The following XPR1 variants were observed in gnomAD, a reference collection of about 807,000 sequenced individuals.
The protein encoded by XPR1 is xenotropic and polytropic retrovirus receptor 1.
In XPR1, 28 loss-of-function variants were observed where a neutral mutation model predicts 87.5. That is an observed-to-expected ratio of 0.32 (90% CI 0.24 to 0.44). XPR1 has a LOEUF of 0.44. XPR1 is among the 20% of genes least tolerant of loss of function. XPR1 has a pLI of 1.00. For synonymous variants in XPR1, 300 were observed against 306.1 expected, an observed-to-expected ratio of 0.98 and a Z score of 0.21; for missense variants, 559 against 862.3, an observed-to-expected ratio of 0.65 and a Z score of 4.41.
At chr1:180,729,245 A>G (rs1658472459) in intron 2 of XPR1, among the ~76,000 whole-genome samples, 3 of 152,298 alleles carry the variant, frequency 2.0e-5, no homozygotes, top group Admixed American at 1.3e-4. Context: ...TATACCATTG[A>G]TGGGCATTTA....
At chr1:180,689,382 G>A (rs1241673475) in intron 2 of XPR1, among the ~76,000 whole-genome samples, 1 of 151,966 alleles carries the variant, frequency 6.6e-6, no homozygotes, top group Non-Finnish European at 1.5e-5. Flanking sequence ...AAAGATTTAA[G>A]AATTTTTTAA....
Position 180,766,084 on chromosome 1 carries a change from C to A in XPR1, c.122-21669C>A, listed in dbSNP as rs1233952276. Among the ~76,000 whole-genome samples, 10 of 151,916 alleles carry A rather than the reference C, an allele frequency of 6.6e-5. No homozygotes were observed. The South Asian group carries it at 1.9e-3, about 28-fold the overall frequency. The stretch of plus-strand genomic sequence containing the variant: ...GAACTTAACTTTTCTTTTCCTGGTC[C>A]ACTATCTCTGTCATCATTCCCTCCT... On this transcript the variant is annotated intron_variant, in intron 2 of 14. Transcript: ENST00000367590.
intron 1 of XPR1, among the ~76,000 whole-genome samples, chr1:180,640,495 T>C (rs1654930108): frequency 6.6e-6 from 1 of 152,272 alleles, no homozygotes; most frequent in African/African-American, 2.4e-5. Context: ...CGTACTGTTT[T>C]ATGAAAAATG....
At chr1:180,723,941 A>G (rs1351780322) in intron 2 of XPR1, among the ~76,000 whole-genome samples, 1 of 152,164 alleles carries the variant, frequency 6.6e-6, no homozygotes, top group Non-Finnish European at 1.5e-5. Flanking sequence ...CTGTTCTTAC[A>G]GTTCATATTT....
At chr1:180,780,368 G>A (rs1648887405) in intron 2 of XPR1, among the ~76,000 whole-genome samples, 1 of 152,124 alleles carries the variant, frequency 6.6e-6, no homozygotes, top group African/African-American at 2.4e-5. Context: ...GTATGAAATG[G>A]TATCTCATTG....
rs1652975421 is a variant in XPR1, at chr1:180,885,209, A to G, written c.*1143A>G. The G allele has an allele frequency of 6.6e-6, 1 of 152,624 alleles. No homozygotes were observed. The highest frequency in any genetic ancestry group is 1.5e-5 in the Non-Finnish European group (1 of 68,036). The allele number at this position is 152,624 out of a possible 1,614,324, so 9.5% of individuals were successfully genotyped here. On this transcript the variant is annotated 3_prime_UTR_variant, in exon 15 of 15. Coordinates refer to ENST00000367590, the MANE Select transcript of XPR1 (RefSeq NM_004736.4). Reference sequence around the variant, plus strand: ...ACCACTTTAGCCAGAATTTGATCAAATTAAAAGTCTGTCATGGGGAAACTA... The same window carrying G: ...ACCACTTTAGCCAGAATTTGATCAAGTTAAAAGTCTGTCATGGGGAAACTA...
chr1:180,794,151 C>T (rs1404106585), intron 3 of XPR1, among the ~76,000 whole-genome samples: 1 of 152,132 alleles, frequency 6.6e-6, no homozygotes, highest in African/African-American at 2.4e-5. Flanking sequence ...CTTACACAAA[C>T]CTAGATGGTA....
At chr1:180,745,841 T>C (rs1175243906) in intron 2 of XPR1, among the ~76,000 whole-genome samples, 1 of 152,188 alleles carries the variant, frequency 6.6e-6, no homozygotes, top group Non-Finnish European at 1.5e-5. Context: ...ATACATTTTG[T>C]TTAGGTTTTA....
At chr1:180,671,858 G>C (rs189905619) in intron 1 of XPR1, among the ~76,000 whole-genome samples, 187 of 152,228 alleles carry the variant, frequency 1.2e-3, no homozygotes, top group African/African-American at 4.3e-3. Context: ...GTTTTGCTGG[G>C]ATTACAGGTG....
intron 1 of XPR1, among the ~76,000 whole-genome samples, chr1:180,649,126 T>TA (rs1557937925): frequency 6.6e-6 from 1 of 151,940 alleles, no homozygotes; most frequent in African/African-American, 2.4e-5. Context: ...GTATTTTGAT[T>TA]AAAAAATTAA....
At chr1:180,796,116 AT>A (rs1348075553) in intron 3 of XPR1, among the ~76,000 whole-genome samples, 8 of 152,112 alleles carry the variant, frequency 5.3e-5, no homozygotes, top group Middle Eastern at 3.4e-3. Flanking sequence ...CCTCATTTTT[AT>A]TTTTGTAAGT....
At chr1:180,721,658 T>C (rs1221171867) in intron 2 of XPR1, among the ~76,000 whole-genome samples, 1 of 152,200 alleles carries the variant, frequency 6.6e-6, no homozygotes, top group African/African-American at 2.4e-5. Flanking sequence ...GGTCTACTTA[T>C]ATTGGATTTC....
At chr1:180,728,312 T>TAAG (rs1658431479) in intron 2 of XPR1, among the ~76,000 whole-genome samples, 1 of 130,938 alleles carries the variant, frequency 7.6e-6, no homozygotes, top group African/African-American at 3.0e-5. Flanking sequence ...GGGGGGGTAG[T>TAAG]AATGAAAACT....
At chr1:180,680,209 C>CA (rs1054730196) in intron 1 of XPR1, among the ~76,000 whole-genome samples, 36 of 150,426 alleles carry the variant, frequency 2.4e-4, no homozygotes, top group Non-Finnish European at 4.4e-5. Context: ...ATCAAAACGA[C>CA]AAAAAACAAA....
At chr1:180,762,255 A>T (rs1196003180) in intron 2 of XPR1, among the ~76,000 whole-genome samples, 2 of 152,156 alleles carry the variant, frequency 1.3e-5, no homozygotes, top group African/African-American at 4.8e-5. Context: ...CATGTACCCT[A>T]AAACTTAAAG....
intron 11 of XPR1, 86 bp downstream of exon 11, chr1:180,836,802 T>A: frequency 6.8e-7 from 1 of 1,464,956 alleles, no homozygotes; most frequent in Non-Finnish European, 9.3e-7. Context: ...TACTTTTCCA[T>A]TTGTCATGCT....
chr1:180,733,797 G>A (rs914574978), intron 2 of XPR1, among the ~76,000 whole-genome samples: 1 of 152,186 alleles, frequency 6.6e-6, no homozygotes, highest in Non-Finnish European at 1.5e-5. Flanking sequence ...GCAATTGATA[G>A]CCAGTTAAGG....
chr1:180,644,629 C>A (rs952662365), intron 1 of XPR1, among the ~76,000 whole-genome samples: 8 of 151,850 alleles, frequency 5.3e-5, no homozygotes, highest in Non-Finnish European at 7.4e-5. Flanking sequence ...TCAGTAATTA[C>A]GATGTTGAGA....
chr1:180,878,870 T>G (rs1420908376), intron 13 of XPR1, among the ~76,000 whole-genome samples: 1 of 152,224 alleles, frequency 6.6e-6, no homozygotes, highest in African/African-American at 2.4e-5. Flanking sequence ...CTTTTAAGTG[T>G]TAGAGTGTTC....
Sources: gnomAD v4.1 joint callset for allele counts (sites outside exome capture counted in the v4.1 genomes callset) on GRCh38, gnomAD v4.1.1 for gene constraint, MANE v1.5 for transcripts, NCBI Gene and HGNC (gene_info 2026-07-23, HGNC 2026-07-21) for gene names.